VPS37C: variants seen among roughly 807,000 people sequenced by gnomAD.
VPS37C encodes the protein vacuolar protein sorting-associated protein 37C.
In VPS37C, 9 loss-of-function variants were observed where a neutral mutation model predicts 16.1. That is an observed-to-expected ratio of 0.56 (90% confidence interval 0.34 to 0.97). VPS37C has a LOEUF of 0.97. VPS37C is among the 50% of genes least tolerant of loss of function. The pLI, the probability that VPS37C is intolerant of heterozygous loss-of-function variation, is 0.02. For missense variants in VPS37C, 479 were observed against 472.7 expected, an observed-to-expected ratio of 1.01 and a Z score of -0.12; for synonymous variants, 207 against 206.4, an observed-to-expected ratio of 1.00 and a Z score of -0.02.
At chr11:61,136,052 A>C (rs1861365902) in intron 2 of VPS37C, among the ~76,000 whole-genome samples, 1 of 152,216 alleles carries the variant, frequency 6.6e-6, no homozygotes, top group Non-Finnish European at 1.5e-5. Context: ...GGTCAGCAAC[A>C]ATGTATTGTA....
intron 2 of VPS37C, 65 bp from the exon 3 acceptor site, chr11:61,134,272 G>A: frequency 6.5e-7 from 1 of 1,546,438 alleles, no homozygotes; most frequent in South Asian, 1.2e-5. Context: ...TGGCAGCCTG[G>A]GTCAGGGGCT....
intron 1 of VPS37C, among the ~76,000 whole-genome samples, chr11:61,151,465 G>A (rs1853297477): frequency 6.6e-6 from 1 of 152,210 alleles, no homozygotes; most frequent in Non-Finnish European, 1.5e-5. Flanking sequence ...AGACAGCCCT[G>A]CACTCTTGCT....
intron 2 of VPS37C, 165 bp downstream of exon 2, chr11:61,138,572 G>T: frequency 1.6e-6 from 1 of 637,074 alleles, no homozygotes; most frequent in East Asian, 2.8e-5. Flanking sequence ...CCCAGGAACT[G>T]GTCTGAAGCC....
chr11:61,140,998 G>C (rs1411698860), intron 1 of VPS37C, among the ~76,000 whole-genome samples: 2 of 152,158 alleles, frequency 1.3e-5, no homozygotes, highest in East Asian at 3.9e-4. Flanking sequence ...CTCATTTGTG[G>C]CCAGGAGGTC....
At position 61,161,417 on chromosome 11, in the gene VPS37C, A is replaced by G. The variant is rs547830755; in HGVS notation, c.-33T>C. On this transcript the variant is annotated 5_prime_UTR_variant, in exon 1 of 5. Coordinates refer to ENST00000301765, the MANE Select transcript of VPS37C (RefSeq NM_017966.5). ...TGCCAGGGCCGCCGTCGCCGCCGCC[A>G]CCGCGGGTTAAACCGCAGCCGCGCC... is the stretch of plus-strand genomic sequence containing the variant. 6.5e-6 allele frequency: 1 copy of G among 154,790 alleles called. No individual in the cohort carries two copies. The highest frequency in any genetic ancestry group is 2.0e-4 in the South Asian group (1 of 5,034). 9.6% of individuals were successfully genotyped at this position (154,790 alleles called of 1,614,324 possible).
chr11:61,149,295 A>G (rs1853263798), intron 1 of VPS37C, among the ~76,000 whole-genome samples: 1 of 152,198 alleles, frequency 6.6e-6, no homozygotes, highest in Non-Finnish European at 1.5e-5. Flanking sequence ...CAAAGTAAAC[A>G]AACAAACAAA....
intron 1 of VPS37C, among the ~76,000 whole-genome samples, chr11:61,139,159 A>C (rs1861430969): frequency 2.6e-5 from 4 of 152,202 alleles, no homozygotes; most frequent in Admixed American, 2.6e-4. Context: ...AGGCAGGAGG[A>C]GAGGGCCAGG....
In VPS37C at chr11:61,132,657, C is replaced by T. The variant is rs1861293413; in HGVS notation, c.349-118G>A. On this transcript the variant is annotated intron_variant, in intron 4 of 4. Coordinates refer to ENST00000301765, the MANE Select transcript of VPS37C (RefSeq NM_017966.5). Reference sequence around the variant, plus strand: ...CCTCACGCCGCCTCAGGCACCCCCTCCTCTTCCCTGCCCATACGCCCCTTC... The same window carrying T: ...CCTCACGCCGCCTCAGGCACCCCCTTCTCTTCCCTGCCCATACGCCCCTTC... 4 of 1,365,260 alleles carry T rather than the reference C, an allele frequency of 2.9e-6. No individual in the cohort carries two copies. In the South Asian group the frequency reaches 5.8e-5, roughly 20 times the overall value. The allele number at this position is 1,365,260 out of a possible 1,614,324, so 84.6% of individuals were successfully genotyped here.
chr11:61,135,132 G>C (rs1251693931), intron 2 of VPS37C, among the ~76,000 whole-genome samples: 1 of 152,114 alleles, frequency 6.6e-6, no homozygotes, highest in Admixed American at 6.5e-5. Flanking sequence ...TCACTGTGCA[G>C]CTTCTCTGTG....
At chr11:61,137,023 A>T (rs562939470) in intron 2 of VPS37C, among the ~76,000 whole-genome samples, 10 of 152,256 alleles carry the variant, frequency 6.6e-5, no homozygotes, top group African/African-American at 2.4e-4. Context: ...AACAAAAATT[A>T]AAAAAAGTTG....
chr11:61,158,793 C>T (rs1334226744), intron 1 of VPS37C, among the ~76,000 whole-genome samples: 2 of 152,208 alleles, frequency 1.3e-5, no homozygotes, highest in Non-Finnish European at 2.9e-5. Flanking sequence ...TTGATATTTG[C>T]TTAAGTCTTT....
At chr11:61,147,287 G>A (rs960727764) in intron 1 of VPS37C, among the ~76,000 whole-genome samples, 1 of 152,218 alleles carries the variant, frequency 6.6e-6, no homozygotes, top group African/African-American at 2.4e-5. Context: ...ACTCGCTGGA[G>A]CTTTGCTATC....
At chr11:61,136,161 ATTTTTTTTT>A (rs34085615) in intron 2 of VPS37C, among the ~76,000 whole-genome samples, 1 of 109,376 alleles carries the variant, frequency 9.1e-6, no homozygotes, top group Admixed American at 1.0e-4. Flanking sequence ...TTAATTACAC[ATTTTTTTTT>A]TTTTTTTTTT....
chr11:61,133,900 G>A, intron 3 of VPS37C, 136 bp downstream of exon 3: 3 of 1,025,088 alleles, frequency 2.9e-6, no homozygotes, highest in Non-Finnish European at 4.1e-6. Flanking sequence ...CTATAAAATG[G>A]AGTAACAACA....
At chr11:61,138,858 G>GT (rs1445749858) in intron 1 of VPS37C, 23 bp from the exon 2 acceptor site, 1 of 1,609,714 alleles carries the variant, frequency 6.2e-7, no homozygotes, top group East Asian at 2.2e-5. Context: ...TGACACCAAA[G>GT]TAACGAACAG....
At chr11:61,148,030 A>G (rs1222339868) in intron 1 of VPS37C, among the ~76,000 whole-genome samples, 1 of 152,202 alleles carries the variant, frequency 6.6e-6, no homozygotes. Flanking sequence ...GGCTCAGATA[A>G]GCGAACAGCC....
chr11:61,142,076 G>C (rs1861481512), intron 1 of VPS37C, among the ~76,000 whole-genome samples: 1 of 152,224 alleles, frequency 6.6e-6, no homozygotes, highest in Admixed American at 6.5e-5. Context: ...TGTTTGACAA[G>C]TATCACTTTT....
At chr11:61,151,827 G>A (rs1432017509) in intron 1 of VPS37C, among the ~76,000 whole-genome samples, 2 of 152,218 alleles carry the variant, frequency 1.3e-5, no homozygotes, top group Non-Finnish European at 2.9e-5. Context: ...CCAAGAAACA[G>A]GTGATTTAAT....
rs1264725400 is a variant in VPS37C, at chr11:61,132,970, G to A, written c.348+285C>T. On this transcript the variant is annotated intron_variant, in intron 4 of 4. Coordinates refer to ENST00000301765, the MANE Select transcript of VPS37C (RefSeq NM_017966.5). The stretch of plus-strand genomic sequence containing the variant: ...CAGGAAGCAGGGAGAGTGGAGTAGG[G>A]AGCTGGCCTCAGCCCCTGGGGGCCT... 1.1e-5 allele frequency: 6 copies of A among 558,360 alleles called. No individual in the cohort carries two copies. The East Asian group carries it at 1.9e-4, about 18-fold the overall frequency. 34.6% of individuals were successfully genotyped at this position (558,360 alleles called of 1,614,324 possible).
Sources: allele counts gnomAD v4.1 joint callset (sites outside exome capture counted in the v4.1 genomes callset), GRCh38; gene constraint gnomAD v4.1.1; transcripts MANE v1.5; gene names NCBI Gene and HGNC (gene_info 2026-07-23, HGNC 2026-07-21).